The following DNAH8 variants were observed in gnomAD, a reference collection of about 807,000 sequenced individuals.
DNAH8 encodes the protein dynein axonemal heavy chain 8, also known as axonemal beta dynein heavy chain 8.
In DNAH8, 382 loss-of-function variants were observed where a neutral mutation model predicts 562.1. The observed-to-expected ratio is 0.68, with a 90% confidence interval of 0.63 to 0.74. DNAH8 has a LOEUF of 0.74. Among genes scored for constraint, DNAH8 ranks in the 30% least tolerant of loss-of-function variants. DNAH8 has a pLI of 0.00. For synonymous variants in DNAH8, 1,881 were observed against 1,919.4 expected (o/e 0.98, Z 0.52); for missense variants, 5,203 against 5,620.4 (o/e 0.93, Z 2.37).
At chr6:38,906,852 C>T (rs528935375) in intron 63 of DNAH8, among the ~76,000 whole-genome samples, 1 of 152,180 alleles carries the variant, frequency 6.6e-6, no homozygotes, top group South Asian at 2.1e-4. Flanking sequence ...ATATACAGGT[C>T]GAGCTTCTCA....
intron 15 of DNAH8, among the ~76,000 whole-genome samples, chr6:38,780,861 A>G (rs1179150464): frequency 2.0e-5 from 3 of 152,168 alleles, no homozygotes; most frequent in Non-Finnish European, 4.4e-5. Flanking sequence ...AAAAAAAACT[A>G]TCATATTGCC....
At chr6:38,728,164 C>T (rs563826487) in intron 3 of DNAH8, among the ~76,000 whole-genome samples, 4 of 152,146 alleles carry the variant, frequency 2.6e-5, no homozygotes, top group South Asian at 4.2e-4. Context: ...GAGGAGATTT[C>T]GCCATGTTTC....
intron 82 of DNAH8, among the ~76,000 whole-genome samples, chr6:38,967,022 A>G (rs1000575675): frequency 1.3e-5 from 2 of 152,212 alleles, no homozygotes; most frequent in African/African-American, 4.8e-5. Context: ...TTTAGGTTTC[A>G]ACATATGAAT....
intron 15 of DNAH8, 80 bp downstream of exon 15, chr6:38,780,145 C>A: frequency 7.5e-7 from 1 of 1,326,496 alleles, no homozygotes; most frequent in Non-Finnish European, 1.1e-6. Context: ...ATCATTGTCT[C>A]ATGCCAAGCT....
At chr6:38,917,732 C>T (rs923903066) in intron 69 of DNAH8, among the ~76,000 whole-genome samples, 193 bp from the exon 70 acceptor site, 1 of 152,188 alleles carries the variant, frequency 6.6e-6, no homozygotes, top group Non-Finnish European at 1.5e-5. Context: ...TTCTTCTTTA[C>T]TCTTTCCACA....
intron 21 of DNAH8, 74 bp from the exon 22 acceptor site, chr6:38,803,105 A>G: frequency 9.9e-7 from 1 of 1,012,354 alleles, no homozygotes; most frequent in South Asian, 2.6e-5. Context: ...TTTATAAATT[A>G]AAGTCATAGG....
intron 3 of DNAH8, among the ~76,000 whole-genome samples, chr6:38,724,039 G>T (rs1420205940): frequency 6.6e-6 from 1 of 151,634 alleles, no homozygotes; most frequent in Non-Finnish European, 1.5e-5. Flanking sequence ...CACCAGGCTG[G>T]AGTGGAGTGG....
intron 89 of DNAH8, among the ~76,000 whole-genome samples, chr6:39,011,961 T>C (rs946810002): frequency 6.6e-6 from 1 of 152,216 alleles, no homozygotes; most frequent in African/African-American, 2.4e-5. Context: ...TTCAGCTCTT[T>C]AAGGTACATT....
At position 38,907,769 on chromosome 6, in the gene DNAH8, T is replaced by C. The variant is rs557936886; in HGVS notation, c.9349-187T>C. Among the ~76,000 whole-genome samples, 8 of 152,318 alleles carry C rather than the reference T, an allele frequency of 5.3e-5. No individual in the cohort carries two copies. The East Asian group carries it at 1.3e-3, about 26-fold the overall frequency. On this transcript the variant is annotated intron_variant, in intron 63 of 92. Coordinates refer to ENST00000327475, the MANE Select transcript of DNAH8 (RefSeq NM_001206927.2). ...ACAGGAGAACACAATTAGTTCTTGA[T>C]TGAGCTGCTCAATAAAAAGTTGCAG...
intron 73 of DNAH8, 124 bp from the exon 74 acceptor site, chr6:38,925,931 T>C: frequency 1.1e-6 from 1 of 902,788 alleles, no homozygotes. Context: ...GAAGTACAAG[T>C]TGCATAGTCT....
At chr6:38,805,364 C>G in intron 22 of DNAH8, 117 bp from the exon 23 acceptor site, 1 of 651,400 alleles carries the variant, frequency 1.5e-6, no homozygotes, top group Non-Finnish European at 2.7e-6. Flanking sequence ...TTTCAAAAAA[C>G]AGTTTTAAAA....
chr6:38,874,001 C>A (rs1008539701), intron 52 of DNAH8, among the ~76,000 whole-genome samples: 1 of 150,812 alleles, frequency 6.6e-6, no homozygotes, highest in African/African-American at 2.4e-5. Flanking sequence ...TTTTCCCTTT[C>A]TTCCTTCCTT....
In DNAH8 at chr6:38,779,998, TAGA is replaced by T; in HGVS notation, c.2074_2076del (p.Glu692del). 1 of 1,614,058 alleles carries T rather than the reference TAGA, an allele frequency of 6.2e-7. No individual in the cohort carries two copies. The highest frequency in any genetic ancestry group is 2.2e-5 in the East Asian group (1 of 44,864). ...AAGCTGAACATTCCCTGTCTGGGAT[TAGA>T]AATAAACCACACAATAGAGCGTATT... On this transcript the variant is annotated inframe_deletion, in exon 15 of 93. Coordinates refer to ENST00000327475, the MANE Select transcript of DNAH8 (RefSeq NM_001206927.2).
intron 23 of DNAH8, among the ~76,000 whole-genome samples, chr6:38,806,338 C>T (rs1490137298): frequency 6.6e-6 from 1 of 152,160 alleles, no homozygotes; most frequent in African/African-American, 2.4e-5. Flanking sequence ...CACCTTCTTG[C>T]TCAAGGATGA....
At chr6:38,951,186 C>T in intron 81 of DNAH8, 132 bp from the exon 82 acceptor site, 2 of 764,446 alleles carry the variant, frequency 2.6e-6, no homozygotes, top group Non-Finnish European at 4.3e-6. Context: ...TGCCATTCCT[C>T]TTACTTAGAT....
intron 41 of DNAH8, among the ~76,000 whole-genome samples, chr6:38,854,882 T>TATATATAC (rs1178025392): frequency 3.1e-4 from 46 of 149,320 alleles, no homozygotes; most frequent in African/African-American, 8.8e-4. Flanking sequence ...TTGTATTTAA[T>TATATATAC]ATATATACAT....
At chr6:38,925,731 A>G (rs1782067286) in intron 73 of DNAH8, among the ~76,000 whole-genome samples, 1 of 152,138 alleles carries the variant, frequency 6.6e-6, no homozygotes, top group African/African-American at 2.4e-5. Context: ...CATTATATTC[A>G]CTATCTCCAT....
intron 17 of DNAH8, 52 bp downstream of exon 17, chr6:38,783,191 A>T (rs1445559663): frequency 6.3e-7 from 1 of 1,574,982 alleles, no homozygotes. Context: ...GTGATTTTGA[A>T]TGAGTTCATA....
At chr6:38,959,795 C>T (rs1762489077) in intron 82 of DNAH8, among the ~76,000 whole-genome samples, 1 of 151,646 alleles carries the variant, frequency 6.6e-6, no homozygotes. Flanking sequence ...CACACAAAAT[C>T]CCAAATAGCT....
Sources: gnomAD v4.1 joint callset for allele counts (sites outside exome capture counted in the v4.1 genomes callset) on GRCh38, gnomAD v4.1.1 for gene constraint, MANE v1.5 for transcripts, NCBI Gene and HGNC (gene_info 2026-07-23, HGNC 2026-07-21) for gene names.